Variants in ADAT1 observed in about 807,000 individuals in gnomAD.
ADAT1 encodes tRNA-specific adenosine deaminase 1.
In ADAT1, 58 loss-of-function variants were observed where a neutral mutation model predicts 58.6. That is an observed-to-expected ratio of 0.99 (90% CI 0.80 to 1.23). The LOEUF is 1.23. Ranked by LOEUF, ADAT1 falls within the 50% of genes most tolerant of loss-of-function variation. ADAT1 has a pLI of 0.00. For missense variants in ADAT1, 741 were observed against 608.6 expected, an observed-to-expected ratio of 1.22 and a Z score of -2.29; for synonymous variants, 254 against 220.8, an observed-to-expected ratio of 1.15 and a Z score of -1.33.
chr16:75,600,297 G>C lies in ADAT1; in HGVS notation c.1428C>G (p.Tyr476Ter), dbSNP rs144876601. 15 of 1,614,096 alleles carry C rather than the reference G, an allele frequency of 9.3e-6. No individual in the cohort carries two copies. The highest frequency in any genetic ancestry group is 1.0e-5 in the Non-Finnish European group (12 of 1,180,022). Residue 476 changes from tyrosine (Y) to a stop codon, truncating the protein, a stop_gained, in exon 10 of 10, where the codon TAC (tyrosine) becomes TAG (stop). Coordinates refer to ENST00000564657, the MANE Select transcript of ADAT1 (RefSeq NM_001324445.2). LOFTEE classifies it high-confidence loss of function. The stretch of plus-strand genomic sequence containing the variant: ...TCCGGAGTGTGCTCCAGGCTTCCTG[G>C]TAAGAGGACGCAGCCTCCTTGTACT... ...YQEYKEAASSYQEAWSTLRKQ... is the reference protein window; with the variant it reads ...YQEYKEAASS
At chr16:75,609,836 T>C (rs932859085) in intron 6 of ADAT1, among the ~76,000 whole-genome samples, 1 of 152,144 alleles carries the variant, frequency 6.6e-6, no homozygotes, top group East Asian at 1.9e-4. Flanking sequence ...CCCAAGTAGC[T>C]GAGACTACAG....
rs765481870 is a variant in ADAT1 at position 75,612,664 on chromosome 16, C to T, written c.622G>A (p.Val208Ile). 3.1e-6 allele frequency: 5 copies of T among 1,614,032 alleles called. No homozygotes were observed. In the Admixed American group the frequency reaches 6.7e-5, roughly 22 times the overall value. Residue 208 changes from valine to isoleucine, a missense_variant, in exon 6 of 10, where the codon GTC becomes ATC. Physicochemically the swap from Val to Ile is conservative, Grantham distance 29 (BLOSUM62 3). Coordinates refer to ENST00000564657, the MANE Select transcript of ADAT1 (RefSeq NM_001324445.2). ...TGATGGTGAGCTGCTCCGTTGGTGA[C>T]CTCCCTGGCTGCAGTCCCAGGCTCA... ...RLEPGTAARE[V>I]TNGAAHHQSF...
chr16:75,606,464 T>C (rs3863448), intron 8 of ADAT1, among the ~76,000 whole-genome samples: 72,434 of 152,010 alleles, frequency 0.48, 20,028 homozygotes, highest in East Asian at 0.87. Context: ...CTGCTTTGCT[T>C]TCTTGGATTG....
intron 4 of ADAT1, 76 bp from the exon 5 acceptor site, chr16:75,617,348 C>G (rs2081767648): frequency 6.6e-7 from 1 of 1,516,716 alleles, no homozygotes; most frequent in African/African-American, 1.4e-5. Flanking sequence ...TGGGTGATTA[C>G]TAAGACAGCT....
intron 5 of ADAT1, among the ~76,000 whole-genome samples, chr16:75,615,181 C>G (rs142847432): frequency 0.013 from 1,811 of 136,178 alleles, 16 homozygotes; most frequent in Middle Eastern, 0.033. Flanking sequence ...GAGCCGAGAT[C>G]GAGAAAAAAA....
Position 75,608,924 on chromosome 16 carries a change from C to T in ADAT1, c.1108G>A (p.Asp370Asn), listed in dbSNP as rs2081441366. 6.2e-7 allele frequency: 1 copy of T among 1,614,250 alleles called. No homozygotes were observed. The highest frequency in any genetic ancestry group is 1.1e-5 in the South Asian group (1 of 91,082). The stretch of plus-strand genomic sequence containing the variant: ...CTGCGGCTCTGTTCAAATAGTAAAT[C>T]TGACTGCAGTATTTTTAATTCTTGA... Reference protein sequence around the residue: ...GVQELKILQSDLLFEQSRSAV... With the variant: ...GVQELKILQSNLLFEQSRSAV... The change falls in exon 7 of 10, where the codon GAT (aspartate) becomes AAT (asparagine). Residue 370 changes from aspartate to asparagine, a missense_variant. Physicochemically the swap from Asp to Asn is conservative, Grantham distance 23 (BLOSUM62 1). Coordinates refer to ENST00000564657, the MANE Select transcript of ADAT1 (RefSeq NM_001324445.2).
chr16:75,600,569 C>T lies in ADAT1; in HGVS notation c.1377-221G>A, dbSNP rs139363581. Among the ~76,000 whole-genome samples the T allele has an allele frequency of 3.3e-3, 503 of 152,304 alleles. 1 individual carries two copies. The highest frequency in any genetic ancestry group is 0.012 in the African/African-American group (479 of 41,570). ...CCAGGGGTAAAAAACACTCAGGGCG[C>T]ATAACATTGCTCCAAGAATGCATTC... On this transcript the variant is annotated intron_variant, in intron 9 of 9. Coordinates refer to ENST00000564657, the MANE Select transcript of ADAT1 (RefSeq NM_001324445.2).
At position 75,608,271 on chromosome 16, in the gene ADAT1, G is replaced by T. The variant is rs553627874; in HGVS notation, c.1242C>A (p.Gly414=). Residue 414 remains glycine (G), a synonymous_variant, in exon 8 of 10, where the codon GGC becomes GGA. Coordinates refer to ENST00000564657, the MANE Select transcript of ADAT1 (RefSeq NM_001324445.2). The part of the protein sequence containing the change: ...PEQPLDVTAN[G]FPQGTTKKTI... ...TTTTCTTTGTTGTTCCCTGTGGAAA[G>T]CCATTGGCAGTAACATCCAAAGGCT... The T allele has an allele frequency of 6.2e-7, 1 of 1,613,986 alleles. No homozygotes were observed. Among genetic ancestry groups the T allele is most frequent in the African/African-American group, 1.3e-5 (1 of 74,922 alleles).
chr16:75,615,466 G>A (rs933422794), intron 5 of ADAT1, among the ~76,000 whole-genome samples: 33 of 52,672 alleles, frequency 6.3e-4, no homozygotes, highest in Admixed American at 5.6e-3. Flanking sequence ...GAACGCAAAC[G>A]ATAGTTGATG....
chr16:75,618,522 A>AG, intron 4 of ADAT1, 64 bp downstream of exon 4: 1 of 1,280,770 alleles, frequency 7.8e-7, no homozygotes, highest in East Asian at 2.4e-5. Context: ...AAAAAAAAAA[A>AG]AAAGTAAATT....
In ADAT1 at chr16:75,617,679, C is replaced by T. The variant is rs80322956; in HGVS notation, c.294-407G>A. ...GAAAAATAAAAAAGAAAGAAGAAACCCAATTTCTGAGGTTCCACCCTAGAT... is the reference window on the plus strand; with the variant it reads ...GAAAAATAAAAAAGAAAGAAGAAACTCAATTTCTGAGGTTCCACCCTAGAT... On this transcript the variant is annotated intron_variant, in intron 4 of 9. Transcript: ENST00000564657. 3.4e-4 allele frequency among the ~76,000 whole-genome samples: 52 copies of T among 151,012 alleles called. No homozygotes were observed. The East Asian group carries it at 9.1e-3, about 27-fold the overall frequency.
At position 75,618,740 on chromosome 16, in the gene ADAT1, T is replaced by G. The variant is rs865940133; in HGVS notation, c.239-100A>C. On this transcript the variant is annotated intron_variant, in intron 3 of 9. Coordinates refer to ENST00000564657, the MANE Select transcript of ADAT1 (RefSeq NM_001324445.2). ...GCAGTCCCACCAGCACCCAGGATGG[T>G]CATGTAGCTCCTGGAGAGCTTTGCC... The G allele has an allele frequency of 2.9e-6, 4 of 1,374,888 alleles. No individual in the cohort carries two copies. In the African/African-American group the frequency reaches 4.4e-5, roughly 15 times the overall value. 85.2% of individuals were successfully genotyped at this position (1,374,888 alleles called of 1,614,324 possible). A position where few individuals can be genotyped will look rare whatever the true frequency, so the allele number is the denominator to read the frequency against.
At chr16:75,608,699 C>A in intron 7 of ADAT1, 144 bp downstream of exon 7, 6 of 967,882 alleles carry the variant, frequency 6.2e-6, no homozygotes, top group Non-Finnish European at 9.0e-6. Flanking sequence ...TAAACGTGAC[C>A]CACTATGGGT....
Position 75,599,816 on chromosome 16 carries a change from T to A in ADAT1, c.*400A>T, listed in dbSNP as rs921743642. 5.0e-6 allele frequency: 5 copies of A among 992,342 alleles called. No individual in the cohort carries two copies. In the African/African-American group the frequency reaches 8.7e-5, roughly 17 times the overall value. The allele number at this position is 992,342 out of a possible 1,614,324, so 61.5% of individuals were successfully genotyped here. ...AAGGCTGGGAATACAAAATATATATTCGCTATGCTAGGCAAAGCTGTAAAA... is the reference window on the plus strand; with the variant it reads ...AAGGCTGGGAATACAAAATATATATACGCTATGCTAGGCAAAGCTGTAAAA... On this transcript the variant is annotated 3_prime_UTR_variant, in exon 10 of 10. Coordinates refer to ENST00000564657, the MANE Select transcript of ADAT1 (RefSeq NM_001324445.2).
intron 8 of ADAT1, among the ~76,000 whole-genome samples, chr16:75,605,960 A>AT (rs34293210): frequency 6.7e-6 from 1 of 148,910 alleles, no homozygotes; most frequent in African/African-American, 2.5e-5. Flanking sequence ...AAAAAAAAAA[A>AT]TCCCCAAATC....
chr16:75,597,229 C>A lies in ADAT1; in HGVS notation c.*2987G>T. ...GAAATCAGACTGGATTAGGGCAGGC[C>A]CTAAATCCAATTACTGGGGTCCTTA... is the stretch of plus-strand genomic sequence containing the variant. On this transcript the variant is annotated 3_prime_UTR_variant, in exon 10 of 10. Transcript: ENST00000564657. 1 of 322,870 alleles carries A rather than the reference C, an allele frequency of 3.1e-6. No individual in the cohort carries two copies. Among genetic ancestry groups the A allele is most frequent in the Non-Finnish European group, 6.2e-6 (1 of 162,088 alleles). 20.0% of individuals were successfully genotyped at this position (322,870 alleles called of 1,614,324 possible). A position where few individuals can be genotyped will look rare whatever the true frequency, so the allele number is the denominator to read the frequency against.
chr16:75,615,175 C>A (rs1350848116), intron 5 of ADAT1, among the ~76,000 whole-genome samples: 48 of 141,546 alleles, frequency 3.4e-4, no homozygotes, highest in African/African-American at 8.9e-4. Flanking sequence ...TGCAATGAGC[C>A]GAGATCGAGA....
chr16:75,607,301 T>C (rs1212733568), intron 8 of ADAT1, among the ~76,000 whole-genome samples: 1 of 150,914 alleles, frequency 6.6e-6, no homozygotes, highest in Non-Finnish European at 1.5e-5. Flanking sequence ...GTCAGGAGTT[T>C]GAGACCAGCC....
At chr16:75,600,454 G>C in intron 9 of ADAT1, 106 bp from the exon 10 acceptor site, 1 of 1,500,166 alleles carries the variant, frequency 6.7e-7, no homozygotes, top group Non-Finnish European at 8.9e-7. Context: ...ATGAGACTTA[G>C]GTAGAGAAGG....
Sources: allele counts gnomAD v4.1 joint callset (sites outside exome capture counted in the v4.1 genomes callset), GRCh38; gene constraint gnomAD v4.1.1; transcripts MANE v1.5; gene names NCBI Gene and HGNC (gene_info 2026-07-23, HGNC 2026-07-21).